The following AGXT2 variants were observed in gnomAD, a reference collection of about 807,000 sequenced individuals.
AGXT2 encodes alanine--glyoxylate aminotransferase 2, also known as alanine--glyoxylate aminotransferase 2, mitochondrial.
Under a neutral mutation model 62.5 loss-of-function variants are expected in AGXT2, and 61 were observed. That is an observed-to-expected ratio of 0.98 (90% CI 0.79 to 1.21). AGXT2 has a LOEUF of 1.21. Ranked by LOEUF, AGXT2 falls within the 50% of genes most tolerant of loss-of-function variation. The pLI, the probability that AGXT2 is intolerant of heterozygous loss-of-function variation, is 0.00. For synonymous variants in AGXT2, 243 were observed against 218.7 expected, an observed-to-expected ratio of 1.11 and a Z score of -0.98; for missense variants, 666 against 641.5, an observed-to-expected ratio of 1.04 and a Z score of -0.41.
At chr5:35,032,003 A>C (rs1767578517) in intron 7 of AGXT2, among the ~76,000 whole-genome samples, 1 of 138,358 alleles carries the variant, frequency 7.2e-6, no homozygotes. Context: ...CCCAGGTTGG[A>C]GTGCAGTGGC....
At chr5:35,004,780 T>C (rs1766362981) in intron 12 of AGXT2, among the ~76,000 whole-genome samples, 1 of 152,132 alleles carries the variant, frequency 6.6e-6, no homozygotes, top group Non-Finnish European at 1.5e-5. Context: ...CCAGTTTCAT[T>C]ACATCCTCCA....
In AGXT2 at chr5:35,039,506, G is replaced by C; in HGVS notation, c.180C>G (p.Ser60=). The C allele has an allele frequency of 6.2e-7, 1 of 1,613,594 alleles. No individual in the cohort carries two copies. The highest frequency in any genetic ancestry group is 8.5e-7 in the Non-Finnish European group (1 of 1,179,690). The stretch of plus-strand genomic sequence containing the variant: ...TTTCCAGGACACGGTTGTAGCCAAG[G>C]GACTGTAGATAAACAAGATTTAAAC... The part of the protein sequence containing the change: ...PCDFMPERYQ[S]LGYNRVLEIH... The change falls in exon 3 of 14, where the codon TCC becomes TCG. Residue 60 remains serine (S), a splice_region_variant and synonymous_variant. Transcript: ENST00000231420.
In AGXT2 at chr5:35,035,254, C is replaced by T. The variant is rs748697594; in HGVS notation, c.549G>A (p.Ala183=). 3.1e-5 allele frequency: 50 copies of T among 1,613,970 alleles called. 2 individuals carry two copies. Among genetic ancestry groups the T allele is most frequent in the South Asian group, 2.5e-4 (23 of 91,082 alleles). Reference sequence around the variant, plus strand: ...AAATGATGTCTATGTTGTTTGAGTGCGCCCTGGCCATCAGCATGGCCAGCT... The same window carrying T: ...AAATGATGTCTATGTTGTTTGAGTGTGCCCTGGCCATCAGCATGGCCAGCT... The part of the protein sequence containing the change: ...ANELAMLMAR[A]HSNNIDIISF... Residue 183 remains alanine (A), a synonymous_variant, in exon 5 of 14, where the codon GCG becomes GCA. Transcript: ENST00000231420.
At position 35,037,017 on chromosome 5, in the gene AGXT2, T is replaced by G. The variant is rs1320978356; in HGVS notation, c.411A>C (p.Thr137=). 1.2e-6 allele frequency: 2 copies of G among 1,614,092 alleles called. No individual in the cohort carries two copies. Among genetic ancestry groups the G allele is most frequent in the Non-Finnish European group, 1.7e-6 (2 of 1,180,022 alleles). ...AQKQLGRLWH[T]STVFFHPPMH... is the part of the protein sequence containing the mutation. ...TTGGAGGGTGGAAGAAGACGGTGCT[T>G]GTATGCCACAGGCGGCCGAGCTGCT... Residue 137 remains threonine, a synonymous_variant, in exon 4 of 14, where the codon ACA becomes ACC. Coordinates refer to ENST00000231420, the MANE Select transcript of AGXT2 (RefSeq NM_031900.4).
At chr5:35,002,477 C>T (rs1024863690) in intron 13 of AGXT2, among the ~76,000 whole-genome samples, 1 of 152,142 alleles carries the variant, frequency 6.6e-6, no homozygotes, top group Non-Finnish European at 1.5e-5. Context: ...GACATTTGTG[C>T]CTCTACCCCT....
intron 9 of AGXT2, among the ~76,000 whole-genome samples, chr5:35,025,035 T>G (rs1447668739): frequency 1.3e-5 from 2 of 152,106 alleles, no homozygotes; most frequent in Non-Finnish European, 1.5e-5. Context: ...GAAAGGTATA[T>G]GCTGCCAGGT....
At position 35,014,377 on chromosome 5, in the gene AGXT2, C is replaced by T. The variant is rs1411002345; in HGVS notation, c.964-258G>A. Reference sequence around the variant, plus strand: ...CTGAGACAGGAGAATCGCTTGAACTCGGAGGGCAGAGGCTGCAGTGAGCCG... The same window carrying T: ...CTGAGACAGGAGAATCGCTTGAACTTGGAGGGCAGAGGCTGCAGTGAGCCG... On this transcript the variant is annotated intron_variant, in intron 9 of 13. Coordinates refer to ENST00000231420, the MANE Select transcript of AGXT2 (RefSeq NM_031900.4). Among the ~76,000 whole-genome samples the T allele has an allele frequency of 4.5e-5, 6 of 133,970 alleles. No individual in the cohort carries two copies. The South Asian group carries it at 9.5e-4, about 21-fold the overall frequency. 87.9% of individuals were successfully genotyped at this position (133,970 alleles called of 152,430 possible). A position where few individuals can be genotyped will look rare whatever the true frequency, so the allele number is the denominator to read the frequency against.
Position 35,040,659 on chromosome 5 carries a change from A to G in AGXT2, c.93T>C (p.Gly31=). 2 of 1,613,474 alleles carry G rather than the reference A, an allele frequency of 1.2e-6. No individual in the cohort carries two copies. The highest frequency in any genetic ancestry group is 1.7e-6 in the Non-Finnish European group (2 of 1,179,410). The change falls in exon 2 of 14, where the codon GGT becomes GGC. Residue 31 remains glycine, a synonymous_variant. Coordinates refer to ENST00000231420, the MANE Select transcript of AGXT2 (RefSeq NM_031900.4). ...GCTTGGTTACTGATGTCCGGGAAGTACCTACTGAAAGTGAAGTGAGTTAGA... is the reference window on the plus strand; with the variant it reads ...GCTTGGTTACTGATGTCCGGGAAGTGCCTACTGAAAGTGAAGTGAGTTAGA... ...ILEMHPFLSL[G]TSRTSVTKLS...
At chr5:35,043,307 A>G (rs1448948488) in intron 1 of AGXT2, among the ~76,000 whole-genome samples, 1 of 152,182 alleles carries the variant, frequency 6.6e-6, no homozygotes, top group African/African-American at 2.4e-5. Context: ...ACCCTTTAAA[A>G]TGAAAAAAAG....
intron 7 of AGXT2, chr5:35,027,105 T>A: frequency 5.4e-6 from 4 of 747,174 alleles, no homozygotes; most frequent in African/African-American, 1.9e-5. Flanking sequence ...TTTCTCCGAT[T>A]AATCAGGAGG....
intron 1 of AGXT2, among the ~76,000 whole-genome samples, chr5:35,042,108 T>C (rs1244385554): frequency 1.3e-5 from 2 of 152,204 alleles, no homozygotes; most frequent in Non-Finnish European, 2.9e-5. Context: ...ATCTGCAAAA[T>C]TGGAGTTGCC....
Position 34,998,224 on chromosome 5 carries a change from C to T in AGXT2, c.*495G>A, listed in dbSNP as rs559892908. 9.1e-5 allele frequency: 16 copies of T among 175,130 alleles called. No homozygotes were observed. Among genetic ancestry groups the T allele is most frequent in the South Asian group, 2.7e-4 (2 of 7,456 alleles). The allele number at this position is 175,130 out of a possible 1,614,324, so 10.8% of individuals were successfully genotyped here. ...ACTTGGCTTCCATCCATCTTCCAAC[C>T]TCACCAAAAAGGGTTGTCCTCATGA... On this transcript the variant is annotated 3_prime_UTR_variant, in exon 14 of 14. Transcript: ENST00000231420.
intron 8 of AGXT2, 143 bp downstream of exon 8, chr5:35,026,265 CTT>C: frequency 1.3e-6 from 1 of 751,052 alleles, no homozygotes; most frequent in Middle Eastern, 3.1e-4. Context: ...TCAGCGTCTT[CTT>C]TTTTCAAGGA....
At chr5:35,002,232 C>T (rs552658342) in intron 13 of AGXT2, among the ~76,000 whole-genome samples, 5 of 152,154 alleles carry the variant, frequency 3.3e-5, no homozygotes, top group Admixed American at 6.5e-5. Context: ...AGAGCACATC[C>T]CAGCAAAAGT....
intron 1 of AGXT2, among the ~76,000 whole-genome samples, chr5:35,044,400 T>G (rs1768106313): frequency 6.6e-6 from 1 of 152,200 alleles, no homozygotes; most frequent in Non-Finnish European, 1.5e-5. Flanking sequence ...ACCATTGCTG[T>G]TCGGTATCAT....
At chr5:35,016,000 CAG>C (rs1327152616) in intron 9 of AGXT2, among the ~76,000 whole-genome samples, 1 of 151,924 alleles carries the variant, frequency 6.6e-6, no homozygotes, top group African/African-American at 2.4e-5. Flanking sequence ...GGGCTGGAAT[CAG>C]AGCTTAATCT....
At chr5:35,000,466 C>T (rs541369129) in intron 13 of AGXT2, among the ~76,000 whole-genome samples, 3 of 152,220 alleles carry the variant, frequency 2.0e-5, no homozygotes, top group Admixed American at 6.5e-5. Context: ...CTGCAACCTC[C>T]GCCTCCCAGG....
At position 35,039,271 on chromosome 5, in the gene AGXT2, G is replaced by T. The variant is rs143045383; in HGVS notation, c.362+53C>A. ...AGAGTTCAGAGTCACTAACATAATT[G>T]TTTTCCATGCATTCTTTTGGAATAA... On this transcript the variant is annotated intron_variant, in intron 3 of 13. Coordinates refer to ENST00000231420, the MANE Select transcript of AGXT2 (RefSeq NM_031900.4). 1.1e-5 allele frequency: 17 copies of T among 1,573,308 alleles called. No homozygotes were observed. In the East Asian group the frequency reaches 3.8e-4, roughly 35 times the overall value.
chr5:35,017,855 A>G (rs1766906497), intron 9 of AGXT2, among the ~76,000 whole-genome samples: 1 of 152,236 alleles, frequency 6.6e-6, no homozygotes, highest in African/African-American at 2.4e-5. Flanking sequence ...TATCTAGAAT[A>G]ACCAATAAAG....
Sources: gnomAD v4.1 joint callset for allele counts (sites outside exome capture counted in the v4.1 genomes callset) on GRCh38, gnomAD v4.1.1 for gene constraint, MANE v1.5 for transcripts, NCBI Gene and HGNC (gene_info 2026-07-23, HGNC 2026-07-21) for gene names.